PCDHGB6: variants seen among roughly 807,000 people sequenced by gnomAD.
PCDHGB6 encodes protocadherin gamma-B6.
A neutral mutation model predicts 59.1 loss-of-function variants in PCDHGB6; 51 were observed. The ratio of observed to expected loss-of-function variants is 0.86; its 90% confidence interval spans 0.69 to 1.09. PCDHGB6 has a LOEUF of 1.09. PCDHGB6 is among the 50% of genes least tolerant of loss of function. The pLI is 0.00. For missense variants in PCDHGB6, 1,148 were observed against 1,205.1 expected, an observed-to-expected ratio of 0.95 and a Z score of 0.70; for synonymous variants, 466 against 495.1, an observed-to-expected ratio of 0.94 and a Z score of 0.78.
Position 141,490,254 on chromosome 5 carries a change from G to A in PCDHGB6, c.2419-4553G>A. The A allele has an allele frequency of 6.2e-7, 1 of 1,614,236 alleles. No homozygotes were observed. Among genetic ancestry groups the A allele is most frequent in the Non-Finnish European group, 8.5e-7 (1 of 1,180,038 alleles). ...TGGAGGGCCACTGTGTGATTCAAGT[G>A]GATGTGGGGGATGTCAATGACAATG... On this transcript the variant is annotated intron_variant, in intron 1 of 3. Coordinates refer to ENST00000520790, the MANE Select transcript of PCDHGB6 (RefSeq NM_018926.3). The surrounding 1 kb of genome is among the most constrained non-coding windows in gnomAD (Gnocchi z 5.4).
intron 1 of PCDHGB6, chr5:141,422,754 C>T: frequency 1.2e-6 from 2 of 1,612,450 alleles, no homozygotes; most frequent in Non-Finnish European, 1.7e-6. Flanking sequence ...TCTCTATTAA[C>T]TCCAACACTG....
chr5:141,494,906 A>T, intron 2 of PCDHGB6, 41 bp downstream of exon 2: 1 of 1,613,800 alleles, frequency 6.2e-7, no homozygotes, highest in Non-Finnish European at 8.5e-7. Flanking sequence ...TCTCTGCGGC[A>T]TTTTCTCAGG....
intron 1 of PCDHGB6, among the ~76,000 whole-genome samples, chr5:141,433,395 CTATCTA>C (rs1561869588): frequency 2.0e-5 from 3 of 150,654 alleles, no homozygotes; most frequent in African/African-American, 7.3e-5. Flanking sequence ...ATCTATCTAT[CTATCTA>C]TCTATTACTT....
chr5:141,413,117 C>A, intron 1 of PCDHGB6: 1 of 1,509,120 alleles, frequency 6.6e-7, no homozygotes, highest in Non-Finnish European at 8.9e-7. Context: ...ACAAAGGAAC[C>A]GGTTGAAACA....
Position 141,490,012 on chromosome 5 carries a change from G to A in PCDHGB6, c.2419-4795G>A. 1 of 1,614,232 alleles carries A rather than the reference G, an allele frequency of 6.2e-7. No homozygotes were observed. Among genetic ancestry groups the A allele is most frequent in the Non-Finnish European group, 8.5e-7 (1 of 1,180,044 alleles). ...GGGAATCCCAGAGAATGCACCCATT[G>A]GTACTCTGCTGCTCCGCCTCAATGC... is the stretch of plus-strand genomic sequence containing the variant. On this transcript the variant is annotated intron_variant, in intron 1 of 3. Transcript: ENST00000520790. This position sits in a 1 kb window ranked among gnomAD's most constrained non-coding sequence, Gnocchi z 5.4.
chr5:141,497,540 CTT>C (rs754207034), intron 2 of PCDHGB6, among the ~76,000 whole-genome samples: 114 of 134,852 alleles, frequency 8.5e-4, no homozygotes, highest in Middle Eastern at 3.7e-3. Context: ...TGCAACAAAC[CTT>C]TTTTTTTTTT....
At position 141,413,553 on chromosome 5, in the gene PCDHGB6, A is replaced by G; in HGVS notation, c.2418+2933A>G. On this transcript the variant is annotated intron_variant, in intron 1 of 3. Coordinates refer to ENST00000520790, the MANE Select transcript of PCDHGB6 (RefSeq NM_018926.3). ...TGAAACTTTTTGGGATAGAAATAGA[A>G]GTAACTGATATCAATGACAATGCTC... The G allele has an allele frequency of 6.2e-7, 1 of 1,613,938 alleles. No individual in the cohort carries two copies. Among genetic ancestry groups the G allele is most frequent in the Non-Finnish European group, 8.5e-7 (1 of 1,179,902 alleles).
chr5:141,432,016 C>G lies in PCDHGB6; in HGVS notation c.2418+21396C>G. 1 of 1,614,202 alleles carries G rather than the reference C, an allele frequency of 6.2e-7. No individual in the cohort carries two copies. The highest frequency in any genetic ancestry group is 1.1e-5 in the South Asian group (1 of 91,082). ...ATAGGGAACAGGTTCCTAGCTACAACATCACAGTGACCGCCACTGACCGGG... is the reference window on the plus strand; with the variant it reads ...ATAGGGAACAGGTTCCTAGCTACAAGATCACAGTGACCGCCACTGACCGGG... On this transcript the variant is annotated intron_variant, in intron 1 of 3. Coordinates refer to ENST00000520790, the MANE Select transcript of PCDHGB6 (RefSeq NM_018926.3). The surrounding 1 kb of genome is among the most constrained non-coding windows in gnomAD (Gnocchi z 6.0).
chr5:141,428,856 G>A (rs1195849417), intron 1 of PCDHGB6: 4 of 143,808 alleles, frequency 2.8e-5, no homozygotes, highest in Admixed American at 1.4e-4. Flanking sequence ...ATTTTTACGG[G>A]AGACTTTTTT....
In PCDHGB6 at chr5:141,512,501, G is replaced by A. The variant is rs1474842711; in HGVS notation, c.*1328G>A. The A allele has an allele frequency of 6.5e-6, 1 of 152,914 alleles. No homozygotes were observed. The highest frequency in any genetic ancestry group is 1.5e-5 in the Non-Finnish European group (1 of 68,258). The allele number at this position is 152,914 out of a possible 1,614,324, so 9.5% of individuals were successfully genotyped here. On this transcript the variant is annotated 3_prime_UTR_variant, in exon 4 of 4. Transcript: ENST00000520790. The stretch of plus-strand genomic sequence containing the variant: ...GAAGGCCACTGCCCAGGTCCCCAGT[G>A]CGCCCCCTAGTGGCCATAGCCTGGT...
rs750214310 is a variant in PCDHGB6 at position 141,432,447 on chromosome 5, T to C, written c.2418+21827T>C. 1 of 1,614,202 alleles carries C rather than the reference T, an allele frequency of 6.2e-7. No homozygotes were observed. Among genetic ancestry groups the C allele is most frequent in the South Asian group, 1.1e-5 (1 of 91,072 alleles). ...CAGAACGACAATGCGCCCGAGATCCTGTACCCCGCCCTCCCCACGGACGGT... is the reference window on the plus strand; with the variant it reads ...CAGAACGACAATGCGCCCGAGATCCCGTACCCCGCCCTCCCCACGGACGGT... On this transcript the variant is annotated intron_variant, in intron 1 of 3. Coordinates refer to ENST00000520790, the MANE Select transcript of PCDHGB6 (RefSeq NM_018926.3). This position sits in a 1 kb window ranked among gnomAD's most constrained non-coding sequence, Gnocchi z 6.0.
intron 2 of PCDHGB6, among the ~76,000 whole-genome samples, chr5:141,495,645 C>T (rs2099762719): frequency 6.6e-6 from 1 of 152,208 alleles, no homozygotes; most frequent in South Asian, 2.1e-4. Context: ...CATTTGTCTA[C>T]TTGCATTGAT....
chr5:141,511,728 A>C lies in PCDHGB6; in HGVS notation c.*555A>C, dbSNP rs904031366. 2.2e-5 allele frequency: 4 copies of C among 177,940 alleles called. No homozygotes were observed. The highest frequency in any genetic ancestry group is 7.0e-5 in the African/African-American group (3 of 42,626). 11.0% of individuals were successfully genotyped at this position (177,940 alleles called of 1,614,324 possible). ...TCACCTCCTTCCAGAGCCCAAGATC[A>C]ATGCTCAAGTTTTGGAGGACATGAT... On this transcript the variant is annotated 3_prime_UTR_variant, in exon 4 of 4. Coordinates refer to ENST00000520790, the MANE Select transcript of PCDHGB6 (RefSeq NM_018926.3).
chr5:141,424,699 G>A (rs185769714), intron 1 of PCDHGB6: 222 of 152,060 alleles, frequency 1.5e-3, no homozygotes, highest in African/African-American at 5.2e-3. Flanking sequence ...CTATTTTTTT[G>A]TTCATTTTCA....
Position 141,413,878 on chromosome 5 carries a change from A to G in PCDHGB6, c.2418+3258A>G, listed in dbSNP as rs752517949. ...ATCTGGCACTGTCCTTGTCAGTGTGACTGTCTTCGATGCAAATGACAACGC... is the reference window on the plus strand; with the variant it reads ...ATCTGGCACTGTCCTTGTCAGTGTGGCTGTCTTCGATGCAAATGACAACGC... On this transcript the variant is annotated intron_variant, in intron 1 of 3. Coordinates refer to ENST00000520790, the MANE Select transcript of PCDHGB6 (RefSeq NM_018926.3). 2.5e-6 allele frequency: 4 copies of G among 1,613,272 alleles called. No individual in the cohort carries two copies. The South Asian group carries it at 3.3e-5, about 13-fold the overall frequency.
rs758065876 is a variant in PCDHGB6 at position 141,422,916 on chromosome 5, C to A, written c.2418+12296C>A. 5.6e-6 allele frequency: 9 copies of A among 1,614,260 alleles called. No homozygotes were observed. In the South Asian group the frequency reaches 9.9e-5, roughly 18 times the overall value. ...ACCAGAACGACAATGCGCCCGAGAT[C>A]CTGTACCCTGCCCTCCCCACAGACG... On this transcript the variant is annotated intron_variant, in intron 1 of 3. Coordinates refer to ENST00000520790, the MANE Select transcript of PCDHGB6 (RefSeq NM_018926.3).
chr5:141,473,700 C>G (rs1474416849), intron 1 of PCDHGB6, among the ~76,000 whole-genome samples: 1 of 152,148 alleles, frequency 6.6e-6, no homozygotes, highest in Non-Finnish European at 1.5e-5. Context: ...GACCACCCTC[C>G]AAGTGGTGCA....
intron 1 of PCDHGB6, chr5:141,416,504 C>G (rs966090979): frequency 1.3e-5 from 2 of 152,040 alleles, no homozygotes; most frequent in African/African-American, 4.8e-5. Flanking sequence ...AGATATATGA[C>G]AAAGCTATTT....
chr5:141,416,053 A>T (rs2095987443), intron 1 of PCDHGB6: 1 of 181,266 alleles, frequency 5.5e-6, no homozygotes, highest in South Asian at 1.8e-4. Flanking sequence ...CACAACCCAA[A>T]TCCAAGAATA....
Sources: gnomAD v4.1 joint callset for allele counts (sites outside exome capture counted in the v4.1 genomes callset) on GRCh38, gnomAD v4.1.1 for gene constraint, Gnocchi (gnomAD v3.1) non-coding constraint, MANE v1.5 for transcripts, NCBI Gene and HGNC (gene_info 2026-07-23, HGNC 2026-07-21) for gene names.